Variants in GPHN observed in about 807,000 individuals in gnomAD.
GPHN encodes the protein gephyrin.
In GPHN, 17 loss-of-function variants were observed where a neutral mutation model predicts 95.5. The observed-to-expected ratio is 0.18, with a 90% CI of 0.12 to 0.27. GPHN has a LOEUF of 0.27. GPHN is among the 10% of genes least tolerant of loss of function. GPHN has a pLI of 1.00. For synonymous variants in GPHN, 320 were observed against 322.5 expected (o/e 0.99, Z 0.08); for missense variants, 660 against 978.1 (o/e 0.67, Z 4.34).
At chr14:67,193,370 T>TATATATCTAG in the GPHN span, among the ~76,000 whole-genome samples, 5 of 139,554 alleles carry the variant, frequency 3.6e-5, no homozygotes, top group African/African-American at 7.7e-5. Flanking sequence ...ATAATCTATC[T>TATATATCTAG]ATATATCTAG....
At chr14:67,628,407 G>A in the GPHN span, among the ~76,000 whole-genome samples, 1 of 152,154 alleles carries the variant, frequency 6.6e-6, no homozygotes, top group Non-Finnish European at 1.5e-5. Context: ...CCTTTTAGGA[G>A]GTGAATACAT....
chr14:67,099,730 C>G (rs915194404), intron 12 of GPHN, among the ~76,000 whole-genome samples: 1 of 151,878 alleles, frequency 6.6e-6, no homozygotes, highest in Non-Finnish European at 1.5e-5. Context: ...TTTATATAAG[C>G]CTTTAGAAAA....
intron 12 of GPHN, among the ~76,000 whole-genome samples, chr14:67,097,764 C>T (rs1305767018): frequency 6.6e-6 from 1 of 151,850 alleles, no homozygotes; most frequent in African/African-American, 2.4e-5. Flanking sequence ...TGATTAATAT[C>T]TGCCTCTCCT....
At chr14:66,674,103 C>T (rs72726474) in intron 1 of GPHN, among the ~76,000 whole-genome samples, 163 of 143,432 alleles carry the variant, frequency 1.1e-3, no homozygotes, top group Admixed American at 2.9e-3. Context: ...TTTTTCTTTT[C>T]TTTTTTTTTT....
chr14:67,237,587 A>T, the GPHN span, among the ~76,000 whole-genome samples: 1 of 152,130 alleles, frequency 6.6e-6, no homozygotes, highest in Non-Finnish European at 1.5e-5. Context: ...CCCCCTGATT[A>T]GATGACAGGC....
chr14:67,014,240 G>T (rs1352339187), intron 9 of GPHN, among the ~76,000 whole-genome samples: 1 of 151,844 alleles, frequency 6.6e-6, no homozygotes, highest in Non-Finnish European at 1.5e-5. Flanking sequence ...CACTTTACAT[G>T]TATCTCTAAG....
At chr14:66,721,883 G>A (rs1488465648) in intron 2 of GPHN, among the ~76,000 whole-genome samples, 10 of 150,322 alleles carry the variant, frequency 6.7e-5, no homozygotes, top group African/African-American at 2.0e-4. Flanking sequence ...CCTGGGAGGC[G>A]GAGCTTGCAG....
At chr14:67,231,849 A>G in the GPHN span, among the ~76,000 whole-genome samples, 1 of 151,872 alleles carries the variant, frequency 6.6e-6, no homozygotes, top group Admixed American at 6.6e-5. Flanking sequence ...GGTGCCTGTA[A>G]TCCTAGCTAC....
the GPHN span, chr14:67,579,824 C>T: frequency 4.5e-5 from 73 of 1,609,094 alleles, no homozygotes; most frequent in South Asian, 6.7e-5. Context: ...GCCCTCTTCA[C>T]GGACGATCCC....
At chr14:66,887,727 A>T (rs923088296) in intron 5 of GPHN, among the ~76,000 whole-genome samples, 3 of 152,204 alleles carry the variant, frequency 2.0e-5, no homozygotes, top group African/African-American at 7.2e-5. Context: ...GGCATATCAA[A>T]TGGCAAAAAA....
chr14:67,040,715 C>T (rs2074657811), intron 10 of GPHN, among the ~76,000 whole-genome samples: 1 of 152,206 alleles, frequency 6.6e-6, no homozygotes, highest in Middle Eastern at 3.4e-3. Flanking sequence ...CAATGTCCCT[C>T]AAATTTATAT....
At chr14:67,586,947 C>T in the GPHN span, 1 of 1,544,324 alleles carries the variant, frequency 6.5e-7, no homozygotes, top group Non-Finnish European at 8.7e-7. Flanking sequence ...TATTTTCTCC[C>T]AGGTGGGTAT....
At chr14:67,715,480 C>T in the GPHN span, among the ~76,000 whole-genome samples, 1 of 152,234 alleles carries the variant, frequency 6.6e-6, no homozygotes, top group African/African-American at 2.4e-5. Context: ...TTGGCAGAAG[C>T]TTTGCACAGC....
At chr14:67,301,593 T>C in the GPHN span, 1 of 516,986 alleles carries the variant, frequency 1.9e-6, no homozygotes, top group Non-Finnish European at 3.3e-6. Flanking sequence ...TACAACCCCA[T>C]CTATAACATA....
intron 1 of GPHN, among the ~76,000 whole-genome samples, chr14:66,654,482 T>G (rs1317317753): frequency 6.6e-6 from 1 of 152,196 alleles, no homozygotes; most frequent in East Asian, 1.9e-4. Context: ...AAATGTCTCT[T>G]TATACCTTTT....
intron 3 of GPHN, among the ~76,000 whole-genome samples, chr14:66,791,694 G>A (rs1051675317): frequency 1.3e-4 from 20 of 152,198 alleles, no homozygotes; most frequent in African/African-American, 4.8e-4. Context: ...GCCAACTAGA[G>A]GTCACTGTCA....
chr14:67,719,482 T>C, the GPHN span, among the ~76,000 whole-genome samples: 1 of 152,174 alleles, frequency 6.6e-6, no homozygotes, highest in Non-Finnish European at 1.5e-5. Context: ...TTTTTTCTTT[T>C]CTTTTTTTTA....
At chr14:67,704,243 G>T in the GPHN span, among the ~76,000 whole-genome samples, 2 of 152,140 alleles carry the variant, frequency 1.3e-5, no homozygotes, top group African/African-American at 4.8e-5. Context: ...TGATTACGGG[G>T]GTAGAAGGAG....
intron 2 of GPHN, among the ~76,000 whole-genome samples, chr14:66,703,463 A>G (rs992900853): frequency 1.3e-5 from 2 of 152,228 alleles, no homozygotes; most frequent in African/African-American, 4.8e-5. Flanking sequence ...AAACCCTACA[A>G]GCCAGAAGAG....
Sources: gnomAD v4.1 joint callset for allele counts (sites outside exome capture counted in the v4.1 genomes callset) on GRCh38, gnomAD v4.1.1 for gene constraint, MANE v1.5 for transcripts, NCBI Gene and HGNC (gene_info 2026-07-23, HGNC 2026-07-21) for gene names.